Variants in LAP3 observed in about 807,000 individuals in gnomAD.
The protein encoded by LAP3 is leucine aminopeptidase 3, also known as cytosol aminopeptidase.
In LAP3, 46 loss-of-function variants were observed where a neutral mutation model predicts 58.8. The observed-to-expected ratio is 0.78, with a 90% CI of 0.62 to 1.00. LAP3 has a LOEUF of 1.00. Ranked by LOEUF, LAP3 falls within the 50% of genes least tolerant of loss-of-function variation. The probability of loss-of-function intolerance (pLI) is 0.00; values close to 1 mark genes in which losing one functional copy is unlikely to be tolerated. For synonymous variants in LAP3, 257 were observed against 237.7 expected (o/e 1.08, Z -0.75); for missense variants, 615 against 659.1 (o/e 0.93, Z 0.73).
chr4:17,581,744 T>C lies in LAP3; in HGVS notation c.219-16T>C. ...CAAAATACTTGTTTTAAAACGACTA[T>C]TTCCTCTTGTTTTAGATCTGGACCA... On this transcript the variant is annotated splice_polypyrimidine_tract_variant and intron_variant, in intron 2 of 12. Transcript: ENST00000226299. 6.2e-7 allele frequency: 1 copy of C among 1,610,800 alleles called. No individual in the cohort carries two copies. The highest frequency in any genetic ancestry group is 8.5e-7 in the Non-Finnish European group (1 of 1,177,390).
At chr4:17,606,624 C>T (rs922995705) in intron 11 of LAP3, among the ~76,000 whole-genome samples, 1 of 152,262 alleles carries the variant, frequency 6.6e-6, no homozygotes, top group East Asian at 1.9e-4. Context: ...AGGCGTGAGC[C>T]ACTGTCCCCA....
intron 5 of LAP3, among the ~76,000 whole-genome samples, 165 bp downstream of exon 5, chr4:17,583,807 A>G (rs1013649538): frequency 1.5e-4 from 23 of 152,114 alleles, no homozygotes; most frequent in Admixed American, 1.1e-3. Flanking sequence ...AATTAAGCCC[A>G]AGCTCTGCTC....
chr4:17,600,679 G>A (rs1438471322), intron 10 of LAP3, among the ~76,000 whole-genome samples: 1 of 152,112 alleles, frequency 6.6e-6, no homozygotes, highest in Non-Finnish European at 1.5e-5. Flanking sequence ...CCAGGTGATG[G>A]TTCCCCAAAT....
At chr4:17,589,824 A>T (rs1192120465) in intron 7 of LAP3, among the ~76,000 whole-genome samples, 1 of 152,146 alleles carries the variant, frequency 6.6e-6, no homozygotes, top group Non-Finnish European at 1.5e-5. Context: ...AAGATTCTCC[A>T]CGAGGTTAGT....
intron 2 of LAP3, among the ~76,000 whole-genome samples, 181 bp from the exon 3 acceptor site, chr4:17,581,573 TATTTAA>T (rs1713362589): frequency 1.1e-5 from 1 of 87,452 alleles, no homozygotes; most frequent in African/African-American, 3.6e-5. Flanking sequence ...ACCCTGTCTC[TATTTAA>T]AAAAAAAAAA....
At chr4:17,597,565 G>A (rs1194393779) in intron 9 of LAP3, among the ~76,000 whole-genome samples, 3 of 152,142 alleles carry the variant, frequency 2.0e-5, no homozygotes, top group East Asian at 3.9e-4. Flanking sequence ...CACCATTCCC[G>A]GCCCCTGAGT....
rs1713210017 is a variant in LAP3, at chr4:17,577,200, A to C, written c.-266A>C. 1 of 284,354 alleles carries C rather than the reference A, an allele frequency of 3.5e-6. No individual in the cohort carries two copies. 17.6% of individuals were successfully genotyped at this position (284,354 alleles called of 1,614,324 possible). A position where few individuals can be genotyped will look rare whatever the true frequency, so the allele number is the denominator to read the frequency against. ...CGCCCCCGCCCGCATGCGCGGGCGCACACGAATGCGGGCGCACACGAATGC... is the reference window on the plus strand; with the variant it reads ...CGCCCCCGCCCGCATGCGCGGGCGCCCACGAATGCGGGCGCACACGAATGC... On this transcript the variant is annotated 5_prime_UTR_variant, in exon 1 of 13. Coordinates refer to ENST00000226299, the MANE Select transcript of LAP3 (RefSeq NM_015907.3).
Position 17,583,437 on chromosome 4 carries a change from T to C in LAP3, c.380-46T>C, listed in dbSNP as rs202074365. 14 of 1,607,640 alleles carry C rather than the reference T, an allele frequency of 8.7e-6. No individual in the cohort carries two copies. In the African/African-American group the frequency reaches 1.7e-4, roughly 20 times the overall value. ...ATGCCTCTGCTGTCTGCTCTTTGAG[T>C]TGTCTTGGACTGACTCCAGTTTTCT... On this transcript the variant is annotated intron_variant, in intron 4 of 12. Transcript: ENST00000226299.
At chr4:17,602,287 G>C (rs1577225471) in intron 10 of LAP3, among the ~76,000 whole-genome samples, 1 of 152,130 alleles carries the variant, frequency 6.6e-6, no homozygotes, top group African/African-American at 2.4e-5. Context: ...GGAAGCAGAC[G>C]TGTTCCTTGA....
rs200271319 is a variant in LAP3 at position 17,583,559 on chromosome 4, G to A, written c.456G>A (p.Ala152=). ...CCTGTGGAGACGCTCAGGCTGCTGC[G>A]GAGGGAGCGGTGCTTGGTCTCTATG... is the stretch of plus-strand genomic sequence containing the variant. ...VDPCGDAQAA[A]EGAVLGLYEY... is the part of the protein sequence containing the mutation. Residue 152 remains alanine (A), a synonymous_variant, in exon 5 of 13, where the codon GCG becomes GCA. Transcript: ENST00000226299. 61 of 1,614,032 alleles carry A rather than the reference G, an allele frequency of 3.8e-5. No individual in the cohort carries two copies. The highest frequency in any genetic ancestry group is 4.4e-5 in the Non-Finnish European group (52 of 1,180,034).
Position 17,577,315 on chromosome 4 carries a change from T to C in LAP3, c.-151T>C, listed in dbSNP as rs1042438012. ...CCAGTCGGCCGGTGCTGCCCATCCG[T>C]CCCGCCCCCTAGACGCACGTCCGCT... is the stretch of plus-strand genomic sequence containing the variant. On this transcript the variant is annotated 5_prime_UTR_variant, in exon 1 of 13. Coordinates refer to ENST00000226299, the MANE Select transcript of LAP3 (RefSeq NM_015907.3). 2 of 291,300 alleles carry C rather than the reference T, an allele frequency of 6.9e-6. No individual in the cohort carries two copies. The highest frequency in any genetic ancestry group is 4.0e-5 in the African/African-American group (1 of 24,778). The allele number at this position is 291,300 out of a possible 1,614,324, so 18.0% of individuals were successfully genotyped here.
intron 5 of LAP3, 101 bp downstream of exon 5, chr4:17,583,743 C>T (rs1026379341): frequency 3.8e-5 from 50 of 1,326,084 alleles, no homozygotes; most frequent in South Asian, 1.6e-4. Flanking sequence ...CCCACAGCTG[C>T]GTGGCTTGGC....
intron 10 of LAP3, among the ~76,000 whole-genome samples, chr4:17,601,350 C>T (rs565894540): frequency 3.9e-5 from 6 of 152,170 alleles, no homozygotes; most frequent in East Asian, 3.9e-4. Context: ...TCTTTAGAGC[C>T]GTGGTCCCAA....
chr4:17,588,729 A>G (rs1020546408), intron 6 of LAP3, 90 bp from the exon 7 acceptor site: 1 of 1,242,580 alleles, frequency 8.0e-7, no homozygotes, highest in Non-Finnish European at 1.1e-6. Flanking sequence ...TTTGTATATT[A>G]TACTTTTTCA....
chr4:17,577,615 T>C, intron 1 of LAP3, 48 bp downstream of exon 1: 2 of 1,402,568 alleles, frequency 1.4e-6, no homozygotes, highest in Non-Finnish European at 1.9e-6. Flanking sequence ...GCCCTGCCCG[T>C]GGGCTACTGG....
chr4:17,597,397 G>T (rs41268397), intron 9 of LAP3, among the ~76,000 whole-genome samples: 26 of 152,204 alleles, frequency 1.7e-4, no homozygotes, highest in African/African-American at 5.3e-4. Context: ...ACACCTTAGC[G>T]ACCTGAGTAG....
chr4:17,595,783 T>TC (rs1713812780), intron 8 of LAP3, among the ~76,000 whole-genome samples: 2 of 152,168 alleles, frequency 1.3e-5, no homozygotes, highest in African/African-American at 4.8e-5. Context: ...TGGCTAGCAG[T>TC]CAGGGGCACA....
rs1445643006 is a variant in LAP3 at position 17,577,576 on chromosome 4, CG to C, written c.102+11del. On this transcript the variant is annotated intron_variant, in intron 1 of 12. Transcript: ENST00000226299. ...CCGCAGACATGACGAAGGTGAGAGG[CG>C]GCGGCTCGCTCATGGTCCGCCGCTG... 6 of 1,533,234 alleles carry C rather than the reference CG, an allele frequency of 3.9e-6. No individual in the cohort carries two copies. In the Admixed American group the frequency reaches 1.2e-4, roughly 31 times the overall value. 95.0% of individuals were successfully genotyped at this position (1,533,234 alleles called of 1,614,324 possible).
intron 9 of LAP3, among the ~76,000 whole-genome samples, chr4:17,597,444 CT>C (rs990046563): frequency 2.6e-5 from 4 of 152,136 alleles, no homozygotes; most frequent in African/African-American, 9.7e-5. Flanking sequence ...GCCTGGCTAG[CT>C]TTTTGTAGAC....
Sources: gnomAD v4.1 joint callset for allele counts (sites outside exome capture counted in the v4.1 genomes callset) on GRCh38, gnomAD v4.1.1 for gene constraint, MANE v1.5 for transcripts, NCBI Gene and HGNC (gene_info 2026-07-23, HGNC 2026-07-21) for gene names.